POTEF: variants seen among roughly 807,000 people sequenced by gnomAD.
POTEF encodes the protein ANKRD26-like family C member 1B.
In POTEF, 20 loss-of-function variants were observed where a neutral mutation model predicts 83.2. The ratio of observed to expected loss-of-function variants is 0.24; its 90% CI spans 0.17 to 0.35. The LOEUF is 0.35. POTEF is among the 10% of genes least tolerant of loss of function. POTEF has a pLI of 1.00. For missense variants in POTEF, 550 were observed against 1,203.2 expected (o/e 0.46, Z 8.03); for synonymous variants, 196 against 446.4 (o/e 0.44, Z 7.07).
chr2:130,090,816 C>T (rs916665477), intron 12 of POTEF, among the ~76,000 whole-genome samples: 4 of 93,122 alleles, frequency 4.3e-5, no homozygotes, highest in African/African-American at 1.4e-4. Flanking sequence ...CGGGTGAAAA[C>T]CTTGTAATAC....
chr2:130,122,783 T>C (rs1172576039), intron 2 of POTEF, among the ~76,000 whole-genome samples: 1 of 151,514 alleles, frequency 6.6e-6, no homozygotes, highest in Non-Finnish European at 1.5e-5. Flanking sequence ...GATTTACTTA[T>C]ATATTTGTTT....
In POTEF at chr2:130,090,714, A is replaced by T. The variant is rs1573596775; in HGVS notation, c.1481-2577T>A. ...TTAATGTTATTTCTTACAGGAAAAA[A>T]AATTAAGCAAAACAAGTGAAAAAGG... is the stretch of plus-strand genomic sequence containing the variant. On this transcript the variant is annotated intron_variant, in intron 12 of 16. Coordinates refer to ENST00000409914, the MANE Select transcript of POTEF (RefSeq NM_001099771.2). Among the ~76,000 whole-genome samples the T allele has an allele frequency of 3.5e-5, 5 of 143,320 alleles. 1 individual carries two copies. The South Asian group carries it at 1.1e-3, about 33-fold the overall frequency. 94.0% of individuals were successfully genotyped at this position (143,320 alleles called of 152,430 possible).
intron 3 of POTEF, among the ~76,000 whole-genome samples, chr2:130,117,741 A>G (rs1684878030): frequency 6.6e-6 from 1 of 151,884 alleles, no homozygotes; most frequent in Admixed American, 6.6e-5. Context: ...ACTAAGAAAA[A>G]CAGACCTCTA....
chr2:130,075,008 T>C lies in POTEF; in HGVS notation c.2464A>G (p.Ile822Val). Residue 822 changes from isoleucine (I) to valine (V), a missense_variant, in exon 17 of 17, where the codon ATC becomes GTC. Coordinates refer to ENST00000409914, the MANE Select transcript of POTEF (RefSeq NM_001099771.2). ...GGGGTGTTGAAGGTCTCAAACATGA[T>C]CTGGGTCATCTTCTCGCGGTTGGCC... ...PKANREKMTQ[I>V]MFETFNTPAM... 1 of 1,613,322 alleles carries C rather than the reference T, an allele frequency of 6.2e-7. No homozygotes were observed. Among genetic ancestry groups the C allele is most frequent in the Non-Finnish European group, 8.5e-7 (1 of 1,179,884 alleles).
At chr2:130,119,033 G>T (rs984397505) in intron 3 of POTEF, among the ~76,000 whole-genome samples, 1 of 151,948 alleles carries the variant, frequency 6.6e-6, no homozygotes, top group South Asian at 2.1e-4. Flanking sequence ...TGGAAAAGCA[G>T]CCTTTTTCCA....
chr2:130,114,632 T>C (rs1684794482), intron 5 of POTEF, among the ~76,000 whole-genome samples: 1 of 150,524 alleles, frequency 6.6e-6, no homozygotes, highest in Non-Finnish European at 1.5e-5. Flanking sequence ...GTAAGTATTA[T>C]CTTTTACAAA....
rs560393119 is a variant in POTEF at position 130,102,561 on chromosome 2, T to C, written c.1127-381A>G. Among the ~76,000 whole-genome samples the C allele has an allele frequency of 5.4e-5, 8 of 148,118 alleles. 1 individual carries two copies. The highest frequency in any genetic ancestry group is 2.0e-4 in the African/African-American group (8 of 39,268). On this transcript the variant is annotated intron_variant, in intron 8 of 16. Transcript: ENST00000409914. ...TTTTCCCGCACTTAGCTAGTCTGAC[T>C]CTAAGGATAGTAACAAGCAGGGCCC...
intron 3 of POTEF, among the ~76,000 whole-genome samples, chr2:130,119,408 C>T (rs186771205): frequency 2.7e-4 from 41 of 151,988 alleles, no homozygotes; most frequent in African/African-American, 9.2e-4. Flanking sequence ...CCTCATGATC[C>T]GCCCGCCTCC....
intron 2 of POTEF, among the ~76,000 whole-genome samples, chr2:130,122,830 A>G (rs1198673922): frequency 2.0e-5 from 3 of 151,792 alleles, no homozygotes; most frequent in Admixed American, 6.6e-5. Context: ...TATTTTTCAG[A>G]TAACAGTTTG....
intron 3 of POTEF, among the ~76,000 whole-genome samples, chr2:130,117,782 T>C (rs929880301): frequency 6.6e-6 from 1 of 152,024 alleles, no homozygotes; most frequent in African/African-American, 2.4e-5. Flanking sequence ...ATAATGGAAT[T>C]GATGAGTAAA....
chr2:130,103,723 G>A (rs1281505053), intron 8 of POTEF, among the ~76,000 whole-genome samples: 3 of 149,352 alleles, frequency 2.0e-5, no homozygotes, highest in African/African-American at 7.6e-5. Flanking sequence ...TAGAAAACAT[G>A]CCCAAGCAGA....
At chr2:130,103,641 G>A (rs1485200653) in intron 8 of POTEF, among the ~76,000 whole-genome samples, 1 of 150,360 alleles carries the variant, frequency 6.7e-6, no homozygotes, top group Non-Finnish European at 1.5e-5. Flanking sequence ...TTCTTATTGA[G>A]TCCTGCTAAA....
At position 130,075,550 on chromosome 2, in the gene POTEF, T is replaced by C. The variant is rs780761194; in HGVS notation, c.1922A>G (p.Glu641Gly). ...NSELSLSCKK[E>G]KDILHENSTL... The stretch of plus-strand genomic sequence containing the variant: ...ACTATTTTCATGCAAGATGTCTTTT[T>C]CTTTCTTACAACTAAGAGAAAGCTA... Residue 641 changes from glutamate to glycine, a missense_variant, in exon 17 of 17, where the codon GAA becomes GGA. Transcript: ENST00000409914. 38 of 1,610,738 alleles carry C rather than the reference T, an allele frequency of 2.4e-5. No individual in the cohort carries two copies. The highest frequency in any genetic ancestry group is 2.8e-5 in the Non-Finnish European group (33 of 1,179,576).
chr2:130,117,368 G>A (rs1684870223), intron 3 of POTEF, among the ~76,000 whole-genome samples: 2 of 151,922 alleles, frequency 1.3e-5, no homozygotes, highest in South Asian at 4.2e-4. Flanking sequence ...TATGCAAGAA[G>A]CATATTCCTT....
rs542664502 is a variant in POTEF at position 130,118,350 on chromosome 2, A to G, written c.521+1645T>C. On this transcript the variant is annotated intron_variant, in intron 3 of 16. Coordinates refer to ENST00000409914, the MANE Select transcript of POTEF (RefSeq NM_001099771.2). ...TTTCCTATGTGCATAGGTCACTGGT[A>G]GATATGCAAAAAAAGTACTTTGCCC... Among the ~76,000 whole-genome samples the G allele has an allele frequency of 3.0e-3, 455 of 152,078 alleles. 9 individuals are homozygous for G. Among genetic ancestry groups the G allele is most frequent in the African/African-American group, 0.01 (431 of 41,386 alleles).
chr2:130,107,325 G>A (rs909415985), intron 8 of POTEF, among the ~76,000 whole-genome samples: 6 of 150,910 alleles, frequency 4.0e-5, no homozygotes, highest in Non-Finnish European at 7.4e-5. Flanking sequence ...AAATGAGGAG[G>A]AATGAAGTCA....
In POTEF at chr2:130,075,028, T is replaced by C. The variant is rs994167953; in HGVS notation, c.2444A>G (p.Asn815Ser). Reference protein sequence around the residue: ...LTEATLNPKANREKMTQIMFE... With the variant: ...LTEATLNPKASREKMTQIMFE... ...CATGATCTGGGTCATCTTCTCGCGG[T>C]TGGCCTTAGGGTTCAGGGTGGCCTC... The change falls in exon 17 of 17, where the codon AAC (asparagine) becomes AGC (serine). Residue 815 changes from asparagine (N) to serine (S), a missense_variant. Transcript: ENST00000409914. The C allele has an allele frequency of 1.9e-6, 3 of 1,613,606 alleles. No homozygotes were observed. Among genetic ancestry groups the C allele is most frequent in the African/African-American group, 1.3e-5 (1 of 74,696 alleles).
rs1218067079 is a variant in POTEF, at chr2:130,076,599, T to C, written c.1899+482A>G. Among the ~76,000 whole-genome samples the C allele has an allele frequency of 7.4e-3, 1,038 of 140,022 alleles. 34 individuals are homozygous for C. Among genetic ancestry groups the C allele is most frequent in the African/African-American group, 0.027 (978 of 35,624 alleles). The allele number at this position is 140,022 out of a possible 152,430, so 91.9% of individuals were successfully genotyped here. ...GGCATGTCATTCTTTTCAAACCTCT[T>C]TACATTGAAATGAGAAACTACTTGG... On this transcript the variant is annotated intron_variant, in intron 16 of 16. Transcript: ENST00000409914.
At position 130,120,072 on chromosome 2, in the gene POTEF, C is replaced by A. The variant is rs766182025; in HGVS notation, c.444G>T (p.Trp148Cys). ...GATCCTTTCTGGGGACTTTACCCCACCAGGCAGCTCTGTGGAGCTTGTCCA... is the reference window on the plus strand; with the variant it reads ...GATCCTTTCTGGGGACTTTACCCCAACAGGCAGCTCTGTGGAGCTTGTCCA... The part of the protein sequence containing the change: ...EDLDKLHRAA[W>C]WGKVPRKDLI... Residue 148 changes from tryptophan to cysteine, a missense_variant, in exon 3 of 17, where the codon TGG becomes TGT. Trp to Cys is a radical substitution (Grantham distance 215). Coordinates refer to ENST00000409914, the MANE Select transcript of POTEF (RefSeq NM_001099771.2). The A allele has an allele frequency of 1.7e-5, 27 of 1,596,268 alleles. No homozygotes were observed. In the South Asian group the frequency reaches 2.7e-4, roughly 16 times the overall value.
Sources: allele counts gnomAD v4.1 joint callset (sites outside exome capture counted in the v4.1 genomes callset), GRCh38; gene constraint gnomAD v4.1.1; transcripts MANE v1.5; gene names NCBI Gene and HGNC (gene_info 2026-07-23, HGNC 2026-07-21).